Variants in MAP7 observed in about 807,000 individuals in gnomAD.
MAP7 encodes ensconsin.
MAP7 carries 52 observed loss-of-function variants against 94.8 expected under a neutral mutation model. That is an observed-to-expected ratio of 0.55 (90% CI 0.44 to 0.69). MAP7 has a LOEUF of 0.69. MAP7 is among the 30% of genes least tolerant of loss of function. The pLI is 0.00. For missense variants in MAP7, 940 were observed against 964.6 expected (o/e 0.97, Z 0.34); for synonymous variants, 350 against 357.0 (o/e 0.98, Z 0.22).
At chr6:136,448,149 G>T (rs972695476) in intron 1 of MAP7, among the ~76,000 whole-genome samples, 1 of 151,918 alleles carries the variant, frequency 6.6e-6, no homozygotes, top group Non-Finnish European at 1.5e-5. Context: ...CCGAGATCAC[G>T]CCACTGCACT....
At chr6:136,545,196 A>C (rs1829633160) in intron 1 of MAP7, 1 of 152,198 alleles carries the variant, frequency 6.6e-6, no homozygotes, top group African/African-American at 2.4e-5. Context: ...CTACTTTGAA[A>C]TGAGGACCAG....
chr6:136,482,743 C>T (rs1813293590), intron 1 of MAP7, among the ~76,000 whole-genome samples: 1 of 152,098 alleles, frequency 6.6e-6, no homozygotes, highest in Non-Finnish European at 1.5e-5. Flanking sequence ...ACCATTCCAG[C>T]ACATTGTTGG....
intron 1 of MAP7, among the ~76,000 whole-genome samples, chr6:136,454,980 C>T (rs1260534668): frequency 1.3e-5 from 2 of 152,036 alleles, no homozygotes; most frequent in African/African-American, 4.8e-5. Context: ...AGAGAAGAGA[C>T]ACTAGGAGAC....
Position 136,550,242 on chromosome 6 carries a change from G to C in MAP7, c.67+100C>G. 1 of 1,076,774 alleles carries C rather than the reference G, an allele frequency of 9.3e-7. No individual in the cohort carries two copies. Among genetic ancestry groups the C allele is most frequent in the Non-Finnish European group, 1.2e-6 (1 of 834,036 alleles). 66.7% of individuals were successfully genotyped at this position (1,076,774 alleles called of 1,614,324 possible). A position where few individuals can be genotyped will look rare whatever the true frequency, so the allele number is the denominator to read the frequency against. On this transcript the variant is annotated intron_variant, in intron 1 of 17. Transcript: ENST00000354570. The surrounding 1 kb of genome is among the most constrained non-coding windows in gnomAD (Gnocchi z 5.1). Reference sequence around the variant, plus strand: ...TCCGGGCCGCGGCCGCGCGGGCGGGGAGGGGGCTGCCGGCGCCGGGTGATT... The same window carrying C: ...TCCGGGCCGCGGCCGCGCGGGCGGGCAGGGGGCTGCCGGCGCCGGGTGATT...
intron 13 of MAP7, 32 bp downstream of exon 13, chr6:136,360,665 C>T (rs889716218): frequency 1.4e-5 from 23 of 1,598,064 alleles, no homozygotes; most frequent in African/African-American, 1.1e-4. Flanking sequence ...TGCAAGTTCG[C>T]GTCCCGGGCC....
intron 1 of MAP7, among the ~76,000 whole-genome samples, chr6:136,493,734 G>A (rs1362543466): frequency 2.0e-5 from 3 of 152,070 alleles, no homozygotes; most frequent in Non-Finnish European, 4.4e-5. Context: ...GCATTGTATC[G>A]TTCTCATTGG....
At chr6:136,514,580 C>CAAAAAAAAAAAAAA (rs1046225937) in intron 1 of MAP7, among the ~76,000 whole-genome samples, 40 of 49,054 alleles carry the variant, frequency 8.2e-4, no homozygotes, top group African/African-American at 2.4e-3. Context: ...GACTCTGTCT[C>CAAAAAAAAAAAAAA]AAAAAAAAAA....
chr6:136,388,999 TTGAG>T (rs1779941054), intron 4 of MAP7, among the ~76,000 whole-genome samples: 2 of 152,268 alleles, frequency 1.3e-5, no homozygotes, highest in South Asian at 4.1e-4. Context: ...TGCTAAAGGA[TTGAG>T]TAAGGGTTAA....
In MAP7 at chr6:136,550,308, G is replaced by T; in HGVS notation, c.67+34C>A. On this transcript the variant is annotated intron_variant, in intron 1 of 17. Transcript: ENST00000354570. This position sits in a 1 kb window ranked among gnomAD's most constrained non-coding sequence, Gnocchi z 5.1. ...CGGCCCCGCTCGCCGTCCCCTGCCC[G>T]ACGGGACCCCCACTATCCCCGCTGT... 3 of 1,468,650 alleles carry T rather than the reference G, an allele frequency of 2.0e-6. No individual in the cohort carries two copies. The highest frequency in any genetic ancestry group is 1.3e-5 in the South Asian group (1 of 75,764). The allele number at this position is 1,468,650 out of a possible 1,614,324, so 91.0% of individuals were successfully genotyped here.
At chr6:136,513,274 A>C (rs1583110393) in intron 1 of MAP7, among the ~76,000 whole-genome samples, 1 of 152,052 alleles carries the variant, frequency 6.6e-6, no homozygotes, top group Non-Finnish European at 1.5e-5. Flanking sequence ...TCAAAAATGG[A>C]CTCTATCCTC....
intron 8 of MAP7, among the ~76,000 whole-genome samples, chr6:136,368,030 G>C (rs1794759958): frequency 6.6e-6 from 1 of 152,080 alleles, no homozygotes; most frequent in Admixed American, 6.6e-5. Context: ...ATAATACAGG[G>C]ATCAGGGAAT....
chr6:136,351,885 G>C (rs1055915368), intron 16 of MAP7, among the ~76,000 whole-genome samples: 1 of 152,104 alleles, frequency 6.6e-6, no homozygotes, highest in African/African-American at 2.4e-5. Context: ...TAGCATACAC[G>C]TGCTTTTCCC....
At chr6:136,483,732 A>G (rs1330417273) in intron 1 of MAP7, among the ~76,000 whole-genome samples, 1 of 152,242 alleles carries the variant, frequency 6.6e-6, no homozygotes, top group East Asian at 1.9e-4. Context: ...AAAAGATACA[A>G]AAAGAAAGAA....
At chr6:136,485,814 G>A (rs1017960972) in intron 1 of MAP7, among the ~76,000 whole-genome samples, 1 of 151,752 alleles carries the variant, frequency 6.6e-6, no homozygotes, top group Admixed American at 6.6e-5. Context: ...CGCCCGCCTC[G>A]GCCTCCCAAA....
chr6:136,430,918 T>A (rs1339268112), intron 1 of MAP7, among the ~76,000 whole-genome samples: 1 of 152,152 alleles, frequency 6.6e-6, no homozygotes. Flanking sequence ...CCACCGCCTA[T>A]CCCACCATCA....
intron 1 of MAP7, chr6:136,466,940 A>C (rs1292528757): frequency 2.9e-6 from 4 of 1,403,500 alleles, no homozygotes; most frequent in Non-Finnish European, 3.7e-6. Flanking sequence ...GCTCAAGAGG[A>C]GAGCAAAGGG....
chr6:136,356,652 C>T (rs987317651), intron 16 of MAP7, 40 bp downstream of exon 16: 9 of 1,497,082 alleles, frequency 6.0e-6, no homozygotes, highest in Non-Finnish European at 8.4e-6. Flanking sequence ...TGGGTAAAAA[C>T]AGTAATGTTT....
At chr6:136,409,733 T>G (rs115013956) in intron 3 of MAP7, among the ~76,000 whole-genome samples, 2 of 152,216 alleles carry the variant, frequency 1.3e-5, no homozygotes, top group Non-Finnish European at 2.9e-5. Flanking sequence ...TGCATTGCAC[T>G]GTGACATTAA....
At chr6:136,472,862 T>A (rs1809514365) in intron 1 of MAP7, among the ~76,000 whole-genome samples, 1 of 152,054 alleles carries the variant, frequency 6.6e-6, no homozygotes, top group Non-Finnish European at 1.5e-5. Flanking sequence ...AATAAAAAAA[T>A]TAAAAAAACA....
Sources: allele counts gnomAD v4.1 joint callset (sites outside exome capture counted in the v4.1 genomes callset), GRCh38; gene constraint gnomAD v4.1.1; non-coding constraint Gnocchi (gnomAD v3.1); transcripts MANE v1.5; gene names NCBI Gene and HGNC (gene_info 2026-07-23, HGNC 2026-07-21).